The following SETD7 variants were observed in gnomAD, a reference collection of about 807,000 sequenced individuals.
SETD7 encodes SET domain containing 7, histone lysine methyltransferase, also known as histone-lysine N-methyltransferase SETD7.
SETD7 carries 16 observed loss-of-function variants against 41.8 expected under a neutral mutation model. The observed-to-expected ratio is 0.38, with a 90% CI of 0.26 to 0.58. The LOEUF (loss-of-function observed/expected upper bound fraction) is 0.58. Ranked by LOEUF, SETD7 falls within the 20% of genes least tolerant of loss-of-function variation. SETD7 has a pLI of 0.64. For synonymous variants in SETD7, 163 were observed against 169.7 expected (o/e 0.96, Z 0.31); for missense variants, 346 against 459.7 (o/e 0.75, Z 2.26).
chr4:139,527,521 C>G (rs1727366793), intron 4 of SETD7, among the ~76,000 whole-genome samples: 1 of 152,040 alleles, frequency 6.6e-6, no homozygotes. Flanking sequence ...TAACACCAGT[C>G]CACTCCAGTC....
At chr4:139,519,485 T>G (rs1727120138) in intron 6 of SETD7, among the ~76,000 whole-genome samples, 1 of 152,272 alleles carries the variant, frequency 6.6e-6, no homozygotes, top group African/African-American at 2.4e-5. Context: ...GGCCTTTGCA[T>G]GGGACGTAGT....
chr4:139,502,929 T>A (rs1205879941), downstream of SETD7, among the ~76,000 whole-genome samples: 1 of 152,072 alleles, frequency 6.6e-6, no homozygotes, highest in African/African-American at 2.4e-5. Flanking sequence ...ACGCCTGTAA[T>A]CCTAACATTT....
intron 1 of SETD7, among the ~76,000 whole-genome samples, chr4:139,554,404 C>T (rs1728199472): frequency 6.6e-6 from 1 of 152,196 alleles, no homozygotes; most frequent in Admixed American, 6.5e-5. Flanking sequence ...ACATGGAGAA[C>T]AGTACCAGCA....
At chr4:139,541,714 T>C (rs1398198188) in intron 2 of SETD7, among the ~76,000 whole-genome samples, 2 of 152,260 alleles carry the variant, frequency 1.3e-5, no homozygotes, top group Non-Finnish European at 2.9e-5. Context: ...ATGAGTATTC[T>C]GATTTTAGGT....
intron 1 of SETD7, among the ~76,000 whole-genome samples, chr4:139,553,559 C>T (rs1206572512): frequency 2.6e-5 from 4 of 152,214 alleles, no homozygotes; most frequent in Non-Finnish European, 4.4e-5. Context: ...GCCAGTCTCT[C>T]CACCTCACTG....
chr4:139,523,105 G>A (rs1727227821), intron 5 of SETD7, among the ~76,000 whole-genome samples: 1 of 152,080 alleles, frequency 6.6e-6, no homozygotes, highest in East Asian at 1.9e-4. Context: ...CACACAAGCT[G>A]TTCTGTGATT....
rs116209546 is a variant in SETD7, at chr4:139,529,872, T to A, written c.373-652A>T. 2.1e-3 allele frequency among the ~76,000 whole-genome samples: 322 copies of A among 152,292 alleles called. 2 individuals are homozygous for A. Among genetic ancestry groups the A allele is most frequent in the Non-Finnish European group, 3.8e-3 (257 of 68,014 alleles). On this transcript the variant is annotated intron_variant, in intron 3 of 7. Transcript: ENST00000274031. Reference sequence around the variant, plus strand: ...AATTAGAAGGAAAAGTGAAAAAAGATCAACTAAATTTCACTCCCATCTCAA... The same window carrying A: ...AATTAGAAGGAAAAGTGAAAAAAGAACAACTAAATTTCACTCCCATCTCAA...
chr4:139,502,126 C>T (rs1322470363), downstream of SETD7, among the ~76,000 whole-genome samples: 1 of 152,208 alleles, frequency 6.6e-6, no homozygotes, highest in Non-Finnish European at 1.5e-5. Flanking sequence ...CCCAATTCTC[C>T]TAATCATTAC....
intron 2 of SETD7, among the ~76,000 whole-genome samples, chr4:139,537,876 T>C (rs1407498173): frequency 2.6e-5 from 4 of 152,226 alleles, no homozygotes; most frequent in Non-Finnish European, 4.4e-5. Flanking sequence ...ATTTGTAAAC[T>C]GGACTACTCA....
downstream of SETD7, among the ~76,000 whole-genome samples, chr4:139,503,394 G>A (rs561817598): frequency 1.3e-5 from 2 of 152,122 alleles, no homozygotes; most frequent in African/African-American, 4.8e-5. Flanking sequence ...TAGGAGAGCA[G>A]CAAGGAGCCC....
At chr4:139,518,886 G>A (rs1727103371) in intron 6 of SETD7, among the ~76,000 whole-genome samples, 1 of 152,206 alleles carries the variant, frequency 6.6e-6, no homozygotes, top group Non-Finnish European at 1.5e-5. Flanking sequence ...CACCCCAGGA[G>A]CTGGTGATGA....
chr4:139,509,725 C>T lies in SETD7; in HGVS notation c.*1938G>A. On this transcript the variant is annotated 3_prime_UTR_variant, in exon 8 of 8. Coordinates refer to ENST00000274031, the MANE Select transcript of SETD7 (RefSeq NM_030648.4). ...GAATGCAAGTCCAGAGGCCCTGGCC[C>T]ATCCGTCACAGTGTATAGAACGGTC... The T allele has an allele frequency of 1.0e-6, 1 of 985,526 alleles. No homozygotes were observed. Among genetic ancestry groups the T allele is most frequent in the Non-Finnish European group, 1.2e-6 (1 of 830,008 alleles). 61.0% of individuals were successfully genotyped at this position (985,526 alleles called of 1,614,324 possible). A position where few individuals can be genotyped will look rare whatever the true frequency, so the allele number is the denominator to read the frequency against.
At chr4:139,496,632 G>A in intron 7 of SETD7, 1 of 611,748 alleles carries the variant, frequency 1.6e-6, no homozygotes, top group South Asian at 2.0e-5. Flanking sequence ...AAACCCAGCT[G>A]CATTTTTCTA....
Position 139,507,037 on chromosome 4 carries a change from T to A in SETD7, c.*4626A>T, listed in dbSNP as rs1726721545. On this transcript the variant is annotated 3_prime_UTR_variant, in exon 8 of 8. Coordinates refer to ENST00000274031, the MANE Select transcript of SETD7 (RefSeq NM_030648.4). ...GAGGCAGAAGTCAGAAGGTAGAGAT[T>A]GCTGGCAAAACTGTGAAGTCCCACC... The A allele has an allele frequency of 6.5e-6, 1 of 152,708 alleles. No homozygotes were observed. The highest frequency in any genetic ancestry group is 2.4e-5 in the African/African-American group (1 of 41,450). The allele number at this position is 152,708 out of a possible 1,614,324, so 9.5% of individuals were successfully genotyped here.
At chr4:139,512,265 G>C (rs1726896667) in intron 7 of SETD7, among the ~76,000 whole-genome samples, 1 of 152,222 alleles carries the variant, frequency 6.6e-6, no homozygotes, top group African/African-American at 2.4e-5. Context: ...TTACGTGGCT[G>C]TATCTCAGGG....
At chr4:139,505,224 TC>T (rs1222331888), downstream of SETD7, among the ~76,000 whole-genome samples, 2 of 152,170 alleles carry the variant, frequency 1.3e-5, no homozygotes, top group African/African-American at 2.4e-5. Context: ...TTCTTTGGGG[TC>T]CTGGGCAGAA....
At chr4:139,540,082 T>A (rs1240852683) in intron 2 of SETD7, among the ~76,000 whole-genome samples, 2 of 152,182 alleles carry the variant, frequency 1.3e-5, no homozygotes, top group African/African-American at 4.8e-5. Flanking sequence ...GATAAAATAA[T>A]CCATCTTTTC....
chr4:139,500,624 T>G (rs931358022), intron 7 of SETD7, among the ~76,000 whole-genome samples: 1 of 152,172 alleles, frequency 6.6e-6, no homozygotes. Flanking sequence ...TTCTCCTGCC[T>G]CAGCCTCCTG....
intron 2 of SETD7, among the ~76,000 whole-genome samples, chr4:139,540,518 C>T (rs1727751418): frequency 6.6e-6 from 1 of 152,204 alleles, no homozygotes; most frequent in Non-Finnish European, 1.5e-5. Flanking sequence ...TGAGTCTCAG[C>T]TCCAATCATT....
Sources: gnomAD v4.1 joint callset for allele counts (sites outside exome capture counted in the v4.1 genomes callset) on GRCh38, gnomAD v4.1.1 for gene constraint, MANE v1.5 for transcripts, NCBI Gene and HGNC (gene_info 2026-07-23, HGNC 2026-07-21) for gene names.